The following SSBP3 variants were observed in gnomAD, a reference collection of about 807,000 sequenced individuals.
SSBP3 encodes the protein single stranded DNA binding protein 3.
In SSBP3, 5 loss-of-function variants were observed where a neutral mutation model predicts 69.6. That is an observed-to-expected ratio of 0.07 (90% confidence interval 0.04 to 0.15). The LOEUF is 0.15. SSBP3 is among the 10% of genes least tolerant of loss of function. SSBP3 has a pLI of 1.00. For missense variants in SSBP3, 312 were observed against 534.0 expected (o/e 0.58, Z 4.10); for synonymous variants, 196 against 193.4 (o/e 1.01, Z -0.11).
intron 4 of SSBP3, among the ~76,000 whole-genome samples, chr1:54,342,926 C>T (rs549210067): frequency 7.1e-4 from 108 of 152,302 alleles, no homozygotes; most frequent in African/African-American, 2.6e-3. Context: ...AAACGCTCCC[C>T]GATGCCGACA....
intron 4 of SSBP3, among the ~76,000 whole-genome samples, chr1:54,334,398 C>T (rs1646473710): frequency 1.3e-5 from 2 of 151,936 alleles, no homozygotes; most frequent in Non-Finnish European, 2.9e-5. Flanking sequence ...AAATAAAATA[C>T]AAGTCAGATG....
intron 4 of SSBP3, among the ~76,000 whole-genome samples, chr1:54,317,742 A>G (rs1351052464): frequency 3.9e-5 from 6 of 152,096 alleles, no homozygotes; most frequent in African/African-American, 1.4e-4. Context: ...CAGTGAGGTC[A>G]TGTCTCCATC....
At chr1:54,257,774 C>T (rs924052556) in intron 6 of SSBP3, among the ~76,000 whole-genome samples, 1 of 152,070 alleles carries the variant, frequency 6.6e-6, no homozygotes, top group Non-Finnish European at 1.5e-5. Flanking sequence ...AAATGGTGAA[C>T]CAAACTCAAA....
At chr1:54,369,935 T>C (rs1017690050) in intron 4 of SSBP3, among the ~76,000 whole-genome samples, 10 of 152,162 alleles carry the variant, frequency 6.6e-5, no homozygotes, top group African/African-American at 2.2e-4. Flanking sequence ...TTGTGTGATA[T>C]GAAAAACCAT....
intron 1 of SSBP3, chr1:54,413,033 A>C (rs930493118): frequency 3.3e-5 from 5 of 152,176 alleles, no homozygotes; most frequent in Non-Finnish European, 7.3e-5. Context: ...TTAAAAAACT[A>C]AAAAGAGATG....
chr1:54,270,502 T>C (rs1324887309), intron 5 of SSBP3, among the ~76,000 whole-genome samples: 2 of 152,216 alleles, frequency 1.3e-5, no homozygotes, highest in Admixed American at 6.5e-5. Context: ...GTGTCAAATA[T>C]GTTGGTCAAA....
At chr1:54,316,684 A>C (rs1346895209) in intron 4 of SSBP3, among the ~76,000 whole-genome samples, 4 of 132,396 alleles carry the variant, frequency 3.0e-5, no homozygotes. Context: ...AAATAAATAA[A>C]TAAATAAATA....
intron 4 of SSBP3, among the ~76,000 whole-genome samples, chr1:54,384,529 A>G (rs902356671): frequency 6.6e-6 from 1 of 152,242 alleles, no homozygotes; most frequent in African/African-American, 2.4e-5. Flanking sequence ...AGAGGCTCAA[A>G]GATTATTAGA....
chr1:54,339,892 C>A (rs1218971034), intron 4 of SSBP3, among the ~76,000 whole-genome samples: 2 of 151,120 alleles, frequency 1.3e-5, no homozygotes, highest in African/African-American at 4.9e-5. Flanking sequence ...CCAGCACGGG[C>A]AAAAAAGCAA....
chr1:54,295,945 CTTA>C (rs1218267486), intron 4 of SSBP3, among the ~76,000 whole-genome samples: 1 of 152,210 alleles, frequency 6.6e-6, no homozygotes, highest in Non-Finnish European at 1.5e-5. Context: ...TCTACCTGGT[CTTA>C]TTATATAGAC....
chr1:54,332,801 G>A (rs1297045331), intron 4 of SSBP3, among the ~76,000 whole-genome samples: 2 of 152,216 alleles, frequency 1.3e-5, no homozygotes, highest in African/African-American at 4.8e-5. Context: ...CAAGGGCCCT[G>A]AGAGGGCGTC....
chr1:54,290,952 T>C (rs1645594955), intron 4 of SSBP3, among the ~76,000 whole-genome samples: 1 of 152,136 alleles, frequency 6.6e-6, no homozygotes, highest in Non-Finnish European at 1.5e-5. Context: ...CACACACATT[T>C]CCCACTGTCT....
chr1:54,276,073 C>T (rs1645278192), intron 5 of SSBP3, among the ~76,000 whole-genome samples: 1 of 152,186 alleles, frequency 6.6e-6, no homozygotes, highest in African/African-American at 2.4e-5. Context: ...GTGGGCCTGG[C>T]TGGCAGGAAT....
At chr1:54,328,679 C>T (rs1359213315) in intron 4 of SSBP3, among the ~76,000 whole-genome samples, 1 of 152,224 alleles carries the variant, frequency 6.6e-6, no homozygotes, top group Non-Finnish European at 1.5e-5. Context: ...CAGCTACAGC[C>T]ATGTTGCCAA....
intron 4 of SSBP3, among the ~76,000 whole-genome samples, chr1:54,398,276 A>G (rs867682920): frequency 2.6e-5 from 4 of 152,224 alleles, no homozygotes; most frequent in African/African-American, 4.8e-5. Flanking sequence ...ACATGAAAAC[A>G]TGTTATAAAA....
chr1:54,335,920 A>G (rs995731549), intron 4 of SSBP3: 13 of 152,286 alleles, frequency 8.5e-5, no homozygotes, highest in African/African-American at 2.4e-4. Context: ...AAGTCTCGCA[A>G]GGGAGGATTA....
chr1:54,240,479 G>C (rs1250481713), intron 13 of SSBP3, among the ~76,000 whole-genome samples: 1 of 125,426 alleles, frequency 8.0e-6, no homozygotes, highest in African/African-American at 2.9e-5. Context: ...AAAAGGGGGG[G>C]GGGGCGGGGG....
chr1:54,256,731 G>A (rs1644928326), intron 7 of SSBP3, among the ~76,000 whole-genome samples: 1 of 152,240 alleles, frequency 6.6e-6, no homozygotes, highest in African/African-American at 2.4e-5. Context: ...ATTCTCAAAA[G>A]CTTCCAGGAA....
intron 4 of SSBP3, among the ~76,000 whole-genome samples, chr1:54,297,556 G>C (rs193111039): frequency 9.9e-4 from 151 of 152,274 alleles, no homozygotes; most frequent in Non-Finnish European, 1.7e-3. Flanking sequence ...GCTTGAACTT[G>C]GGAGGCAGAG....
Sources: allele counts gnomAD v4.1 joint callset (sites outside exome capture counted in the v4.1 genomes callset), GRCh38; gene constraint gnomAD v4.1.1; transcripts MANE v1.5; gene names NCBI Gene and HGNC (gene_info 2026-07-23, HGNC 2026-07-21).